The following SLC35F1 variants were observed in gnomAD, a reference collection of about 807,000 sequenced individuals.
The protein encoded by SLC35F1 is chromosome 6 open reading frame 169.
In SLC35F1, 14 loss-of-function variants were observed where a neutral mutation model predicts 48.7. The observed-to-expected ratio is 0.29, with a 90% CI of 0.19 to 0.45. The LOEUF (loss-of-function observed/expected upper bound fraction) is 0.45. Ranked by LOEUF, SLC35F1 falls within the 20% of genes least tolerant of loss-of-function variation. SLC35F1 has a pLI of 1.00. For synonymous variants in SLC35F1, 190 were observed against 202.2 expected (o/e 0.94, Z 0.51); for missense variants, 404 against 500.0 (o/e 0.81, Z 1.83).
chr6:117,989,706 A>AT (rs1562256962), intron 1 of SLC35F1, among the ~76,000 whole-genome samples: 3 of 152,164 alleles, frequency 2.0e-5, no homozygotes, highest in South Asian at 2.1e-4. Flanking sequence ...GATTTAATTC[A>AT]TTTTTTCAGT....
intron 1 of SLC35F1, among the ~76,000 whole-genome samples, chr6:118,123,897 C>A (rs543843300): frequency 9.2e-5 from 14 of 152,208 alleles, no homozygotes; most frequent in Non-Finnish European, 1.6e-4. Flanking sequence ...TCAGGGTAAG[C>A]AATGTTGGCT....
chr6:118,198,420 G>A (rs1028691436), intron 2 of SLC35F1, among the ~76,000 whole-genome samples: 1 of 152,120 alleles, frequency 6.6e-6, no homozygotes, highest in African/African-American at 2.4e-5. Context: ...TATTCATGAG[G>A]GGACAACAGG....
Position 118,222,418 on chromosome 6 carries a change from G to C in SLC35F1, c.350-13091G>C, listed in dbSNP as rs535031493. On this transcript the variant is annotated intron_variant, in intron 2 of 7. Coordinates refer to ENST00000360388, the MANE Select transcript of SLC35F1 (RefSeq NM_001029858.4). ...TAGGTGCTTTTTTTTTTTCTTTTTG[G>C]AACCACATAAAACATAATGCTTGGT... Among the ~76,000 whole-genome samples the C allele has an allele frequency of 2.9e-4, 44 of 150,790 alleles. 1 individual carries two copies. The South Asian group carries it at 6.1e-3, about 21-fold the overall frequency.
At chr6:118,188,742 G>C (rs1264629727) in intron 2 of SLC35F1, among the ~76,000 whole-genome samples, 1 of 151,972 alleles carries the variant, frequency 6.6e-6, no homozygotes. Context: ...CACTTACGTT[G>C]TTTCCATATC....
chr6:118,123,507 A>G (rs1439253487), intron 1 of SLC35F1, among the ~76,000 whole-genome samples: 1 of 152,168 alleles, frequency 6.6e-6, no homozygotes, highest in Non-Finnish European at 1.5e-5. Context: ...AAGAAAAGAA[A>G]TTGCCTATGT....
At chr6:118,309,192 TGTGTGTGTGTGC>T (rs945585228) in intron 7 of SLC35F1, among the ~76,000 whole-genome samples, 1 of 150,654 alleles carries the variant, frequency 6.6e-6, no homozygotes, top group Non-Finnish European at 1.5e-5. Flanking sequence ...TGTGTGTGTG[TGTGTGTGTGTGC>T]GTGTGTGTAT....
At chr6:117,962,226 C>A (rs192632845) in intron 1 of SLC35F1, among the ~76,000 whole-genome samples, 38 of 152,298 alleles carry the variant, frequency 2.5e-4, no homozygotes, top group African/African-American at 8.9e-4. Context: ...CCTTTCCCAT[C>A]CTGTCTATCA....
intron 2 of SLC35F1, among the ~76,000 whole-genome samples, chr6:118,185,724 G>C (rs1187265327): frequency 1.3e-5 from 2 of 152,152 alleles, no homozygotes; most frequent in African/African-American, 2.4e-5. Context: ...GACAAGGCCA[G>C]TACCCTTCAC....
At chr6:118,075,330 C>T (rs892301255) in intron 1 of SLC35F1, among the ~76,000 whole-genome samples, 2 of 152,180 alleles carry the variant, frequency 1.3e-5, no homozygotes, top group Non-Finnish European at 2.9e-5. Context: ...CTTAATGCTA[C>T]ATGATAAATG....
At chr6:117,923,725 A>G (rs1775964352) in intron 1 of SLC35F1, among the ~76,000 whole-genome samples, 1 of 116,494 alleles carries the variant, frequency 8.6e-6, no homozygotes, top group African/African-American at 3.7e-5. Flanking sequence ...ATACATATAT[A>G]CATATGTATA....
At chr6:118,164,318 A>AT (rs1257588117) in intron 2 of SLC35F1, among the ~76,000 whole-genome samples, 1 of 152,160 alleles carries the variant, frequency 6.6e-6, no homozygotes, top group African/African-American at 2.4e-5. Context: ...GTGAATATCA[A>AT]TTTTTTGTCT....
chr6:118,018,883 A>G (rs1777356768), intron 1 of SLC35F1, among the ~76,000 whole-genome samples: 2 of 152,078 alleles, frequency 1.3e-5, no homozygotes, highest in Admixed American at 6.5e-5. Context: ...AGCTTTGAGG[A>G]CACTCCAATA....
chr6:118,033,351 T>C (rs1486332908), intron 1 of SLC35F1, among the ~76,000 whole-genome samples: 1 of 152,218 alleles, frequency 6.6e-6, no homozygotes, highest in Non-Finnish European at 1.5e-5. Flanking sequence ...TAGCTAATGC[T>C]TTTTAAAACA....
intron 2 of SLC35F1, among the ~76,000 whole-genome samples, chr6:118,192,057 A>G (rs1774739787): frequency 6.6e-6 from 1 of 152,178 alleles, no homozygotes; most frequent in South Asian, 2.1e-4. Context: ...ACAAGGTGGC[A>G]TGAGTCCTTG....
intron 1 of SLC35F1, among the ~76,000 whole-genome samples, chr6:118,038,385 GATA>G (rs916880400): frequency 3.3e-5 from 5 of 151,444 alleles, no homozygotes; most frequent in African/African-American, 4.8e-5. Context: ...TGGCAATAAT[GATA>G]ATAATAATAA....
chr6:118,193,206 A>G (rs1774755982), intron 2 of SLC35F1, among the ~76,000 whole-genome samples: 1 of 152,198 alleles, frequency 6.6e-6, no homozygotes, highest in Non-Finnish European at 1.5e-5. Flanking sequence ...AACTTTTAAT[A>G]AAACCTTATA....
chr6:118,142,731 A>T (rs1434768095), intron 1 of SLC35F1, among the ~76,000 whole-genome samples: 1 of 152,148 alleles, frequency 6.6e-6, no homozygotes, highest in Non-Finnish European at 1.5e-5. Context: ...TTGGATTTCG[A>T]TGTAATTTTG....
chr6:118,154,309 T>G, intron 1 of SLC35F1, 136 bp from the exon 2 acceptor site: 1 of 705,488 alleles, frequency 1.4e-6, no homozygotes, highest in Non-Finnish European at 2.3e-6. Context: ...AGGGATTGCT[T>G]TGATGGACTA....
intron 2 of SLC35F1, among the ~76,000 whole-genome samples, chr6:118,223,082 AATGCTGC>A (rs1775171717): frequency 6.6e-6 from 1 of 152,204 alleles, no homozygotes; most frequent in Non-Finnish European, 1.5e-5. Flanking sequence ...TTCAGTTAGA[AATGCTGC>A]ATTGCTCATA....
Sources: allele counts gnomAD v4.1 joint callset (sites outside exome capture counted in the v4.1 genomes callset), GRCh38; gene constraint gnomAD v4.1.1; transcripts MANE v1.5; gene names NCBI Gene and HGNC (gene_info 2026-07-23, HGNC 2026-07-21).